CCDC7: variants seen among roughly 807,000 people sequenced by gnomAD.
CCDC7 encodes coiled-coil domain containing 7, also known as coiled-coil domain-containing protein 7.
In CCDC7, 183 loss-of-function variants were observed where a neutral mutation model predicts 196.9. The observed-to-expected ratio is 0.93, with a 90% confidence interval of 0.82 to 1.05. CCDC7 has a LOEUF of 1.05. CCDC7 is among the 50% of genes least tolerant of loss of function. The pLI, the probability that CCDC7 is intolerant of heterozygous loss-of-function variation, is 0.00. For synonymous variants in CCDC7, 525 were observed against 484.6 expected, an observed-to-expected ratio of 1.08 and a Z score of -1.10; for missense variants, 1,540 against 1,482.2, an observed-to-expected ratio of 1.04 and a Z score of -0.64.
At chr10:32,648,439 A>T (rs547388709) in intron 20 of CCDC7, among the ~76,000 whole-genome samples, 13 of 152,306 alleles carry the variant, frequency 8.5e-5, no homozygotes, top group African/African-American at 3.1e-4. Flanking sequence ...TTTTTACTAT[A>T]TTGATAGTAA....
chr10:32,579,760 G>A (rs757633603), intron 16 of CCDC7, among the ~76,000 whole-genome samples: 3 of 152,064 alleles, frequency 2.0e-5, no homozygotes, highest in Non-Finnish European at 4.4e-5. Context: ...CATTCTCACT[G>A]AGAACAAGCA....
At chr10:32,555,395 G>A (rs1031698889) in intron 13 of CCDC7, among the ~76,000 whole-genome samples, 10 of 152,066 alleles carry the variant, frequency 6.6e-5, no homozygotes, top group Middle Eastern at 3.4e-3. Flanking sequence ...ATGGGCGGGC[G>A]CCACCACACC....
intron 41 of CCDC7, among the ~76,000 whole-genome samples, chr10:32,857,380 A>C (rs1388376388): frequency 1.3e-5 from 2 of 152,236 alleles, no homozygotes; most frequent in Non-Finnish European, 2.9e-5. Context: ...ATATTAGGCC[A>C]TAAAACAAGT....
At chr10:32,638,995 T>C (rs959772844) in intron 20 of CCDC7, among the ~76,000 whole-genome samples, 1 of 152,256 alleles carries the variant, frequency 6.6e-6, no homozygotes, top group Non-Finnish European at 1.5e-5. Context: ...CCATTTCTTC[T>C]AGATTTTCTA....
intron 18 of CCDC7, among the ~76,000 whole-genome samples, chr10:32,588,646 G>A (rs2059513438): frequency 6.6e-6 from 1 of 151,992 alleles, no homozygotes; most frequent in Non-Finnish European, 1.5e-5. Context: ...TCTGGTTCTG[G>A]TATCATGGTA....
chr10:32,451,653 T>C (rs1332226911), exon 1 of CCDC7: 1 of 1,596,734 alleles, frequency 6.3e-7, no homozygotes, highest in Non-Finnish European at 8.5e-7. Context: ...ATGAAACCAG[T>C]AAAGCATCTG....
chr10:32,568,017 T>C lies in CCDC7; in HGVS notation c.1419+126T>C, dbSNP rs531755810. The C allele has an allele frequency of 7.0e-5, 78 of 1,106,964 alleles. 2 individuals are homozygous for C. In the African/African-American group the frequency reaches 9.4e-4, roughly 13 times the overall value. The allele number at this position is 1,106,964 out of a possible 1,614,324, so 68.6% of individuals were successfully genotyped here. On this transcript the variant is annotated intron_variant, in intron 15 of 41. Transcript: ENST00000639629. ...GCCTCTGTTTTTGGGTTTTTTTTTT[T>C]TTTTTTTTGAGATGGAGTCTTGCTC... is the stretch of plus-strand genomic sequence containing the variant.
chr10:32,483,859 C>G (rs142842902), intron 8 of CCDC7, among the ~76,000 whole-genome samples: 7,878 of 152,220 alleles, frequency 0.052, 673 homozygotes, highest in African/African-American at 0.18. Flanking sequence ...GTCTATATCT[C>G]TGTTTTGATA....
chr10:32,516,121 C>A (rs1214164553), intron 9 of CCDC7, among the ~76,000 whole-genome samples: 3 of 151,694 alleles, frequency 2.0e-5, no homozygotes, highest in Admixed American at 6.6e-5. Context: ...CATATATCTG[C>A]TAAAGTACTT....
intron 29 of CCDC7, among the ~76,000 whole-genome samples, chr10:32,785,203 A>T (rs2081650752): frequency 6.6e-6 from 1 of 152,202 alleles, no homozygotes; most frequent in Non-Finnish European, 1.5e-5. Flanking sequence ...TCACTCAATA[A>T]ATGGAGTACA....
At chr10:32,559,818 T>C (rs951472083) in intron 13 of CCDC7, among the ~76,000 whole-genome samples, 3 of 152,184 alleles carry the variant, frequency 2.0e-5, no homozygotes, top group Non-Finnish European at 4.4e-5. Context: ...GAAAGCTGGA[T>C]GGAGAATGAC....
intron 8 of CCDC7, among the ~76,000 whole-genome samples, chr10:32,476,439 C>T (rs2038995050): frequency 1.3e-5 from 2 of 152,126 alleles, no homozygotes; most frequent in African/African-American, 4.8e-5. Flanking sequence ...TATGGATTTA[C>T]TACAATTTAT....
At chr10:32,491,927 G>A in exon 9 of CCDC7, 1 of 1,554,762 alleles carries the variant, frequency 6.4e-7, no homozygotes, top group Non-Finnish European at 8.7e-7. Flanking sequence ...AATAGAAACT[G>A]CTCATTCAAT....
intron 8 of CCDC7, among the ~76,000 whole-genome samples, chr10:32,489,987 A>T (rs1440406659): frequency 6.6e-6 from 1 of 151,932 alleles, no homozygotes; most frequent in African/African-American, 2.4e-5. Flanking sequence ...TAATGGTGGC[A>T]GTGGTTATTA....
At chr10:32,848,980 A>G (rs2093426014) in intron 39 of CCDC7, among the ~76,000 whole-genome samples, 2 of 152,246 alleles carry the variant, frequency 1.3e-5, no homozygotes, top group African/African-American at 4.8e-5. Flanking sequence ...TAAATTATAC[A>G]TGGATTTTTA....
chr10:32,862,558 A>C (rs1044898539), intron 41 of CCDC7, among the ~76,000 whole-genome samples: 59 of 149,122 alleles, frequency 4.0e-4, no homozygotes, highest in African/African-American at 1.3e-3. Flanking sequence ...AAGGTATAAT[A>C]ATAAAAAAAA....
intron 20 of CCDC7, among the ~76,000 whole-genome samples, chr10:32,642,308 T>C (rs1272084533): frequency 6.6e-6 from 1 of 152,072 alleles, no homozygotes; most frequent in Non-Finnish European, 1.5e-5. Flanking sequence ...CCAGTTTGAG[T>C]TTCCCAGCCG....
At chr10:32,570,795 A>G (rs1446086777) in intron 15 of CCDC7, among the ~76,000 whole-genome samples, 1 of 152,188 alleles carries the variant, frequency 6.6e-6, no homozygotes, top group African/African-American at 2.4e-5. Flanking sequence ...GTGTCTAAGA[A>G]GAAGAGAAAA....
At chr10:32,820,453 T>G (rs1357186031) in intron 31 of CCDC7, among the ~76,000 whole-genome samples, 2 of 152,088 alleles carry the variant, frequency 1.3e-5, no homozygotes, top group Non-Finnish European at 2.9e-5. Flanking sequence ...TTCACAGAAT[T>G]GGAAAAAACT....
Sources: gnomAD v4.1 joint callset for allele counts (sites outside exome capture counted in the v4.1 genomes callset) on GRCh38, gnomAD v4.1.1 for gene constraint, MANE v1.5 for transcripts, NCBI Gene and HGNC (gene_info 2026-07-23, HGNC 2026-07-21) for gene names.